LHFPL3: variants seen among roughly 807,000 people sequenced by gnomAD.
LHFPL3 encodes LHFPL tetraspan subfamily member 3 protein.
In LHFPL3, 5 loss-of-function variants were observed where a neutral mutation model predicts 19.3. That is an observed-to-expected ratio of 0.26 (90% confidence interval 0.14 to 0.54). LHFPL3 has a LOEUF of 0.54. Among genes scored for constraint, LHFPL3 ranks in the 20% least tolerant of loss-of-function variants. The pLI is 0.94. For synonymous variants in LHFPL3, 133 were observed against 126.2 expected (o/e 1.05, Z -0.36); for missense variants, 249 against 307.4 (o/e 0.81, Z 1.42).
chr7:104,872,387 G>A (rs1053403757), intron 2 of LHFPL3, among the ~76,000 whole-genome samples: 2 of 151,836 alleles, frequency 1.3e-5, no homozygotes, highest in African/African-American at 4.8e-5. Context: ...GCTCACGCCT[G>A]TAATCCCCAC....
chr7:104,769,932 A>G (rs989731755), intron 2 of LHFPL3, among the ~76,000 whole-genome samples: 1 of 152,202 alleles, frequency 6.6e-6, no homozygotes, highest in African/African-American at 2.4e-5. Context: ...GGTTCAATCT[A>G]ACAGGAAAAA....
At chr7:104,551,677 G>A (rs549875256) in intron 1 of LHFPL3, among the ~76,000 whole-genome samples, 54 of 152,176 alleles carry the variant, frequency 3.5e-4, no homozygotes, top group African/African-American at 1.1e-3. Flanking sequence ...CCTGGCCCTT[G>A]GCAACAACCA....
At chr7:104,632,737 C>T (rs893019626) in intron 1 of LHFPL3, among the ~76,000 whole-genome samples, 7 of 152,210 alleles carry the variant, frequency 4.6e-5, no homozygotes, top group African/African-American at 1.4e-4. Flanking sequence ...GCTTCAACTT[C>T]CCAAGCTCAG....
intron 1 of LHFPL3, among the ~76,000 whole-genome samples, chr7:104,697,741 ATG>A (rs1562967957): frequency 1.3e-5 from 2 of 152,154 alleles, no homozygotes; most frequent in South Asian, 4.1e-4. Context: ...CCTAGTGCTG[ATG>A]TAATATTTAT....
intron 1 of LHFPL3, among the ~76,000 whole-genome samples, chr7:104,369,177 A>G (rs1790560045): frequency 6.6e-6 from 1 of 151,496 alleles, no homozygotes; most frequent in South Asian, 2.1e-4. Context: ...ATTACCATCA[A>G]CCCCCCCAAA....
At chr7:104,371,637 G>A (rs539447020) in intron 1 of LHFPL3, among the ~76,000 whole-genome samples, 1 of 104,812 alleles carries the variant, frequency 9.5e-6, no homozygotes, top group Non-Finnish European at 1.9e-5. Context: ...TGAGAAATTA[G>A]GCAAATTTTC....
chr7:104,407,405 C>T lies in LHFPL3; in HGVS notation c.445+78181C>T, dbSNP rs1294129258. On this transcript the variant is annotated intron_variant, in intron 1 of 2. Coordinates refer to ENST00000424859, the MANE Select transcript of LHFPL3 (RefSeq NM_199000.3). ...GGCGTGGTGGCTCATGCCTATAATCCCAGCACCTTGGGAGGCCAAGGTGGG... is the reference window on the plus strand; with the variant it reads ...GGCGTGGTGGCTCATGCCTATAATCTCAGCACCTTGGGAGGCCAAGGTGGG... Among the ~76,000 whole-genome samples the T allele has an allele frequency of 2.6e-5, 4 of 152,102 alleles. No homozygotes were observed. The East Asian group carries it at 7.7e-4, about 29-fold the overall frequency.
In LHFPL3 at chr7:104,729,347, A is replaced by G. The variant is rs907080115; in HGVS notation, c.446-7328A>G. On this transcript the variant is annotated intron_variant, in intron 1 of 2. Coordinates refer to ENST00000424859, the MANE Select transcript of LHFPL3 (RefSeq NM_199000.3). ...AGTATATCCATCACCTCATACATTT[A>G]TCATTTCTTTGTGGCAAGAACATTC... Among the ~76,000 whole-genome samples, 20 of 152,298 alleles carry G rather than the reference A, an allele frequency of 1.3e-4. 2 individuals are homozygous for G. Among genetic ancestry groups the G allele is most frequent in the Admixed American group, 1.2e-3 (19 of 15,294 alleles).
intron 1 of LHFPL3, among the ~76,000 whole-genome samples, chr7:104,651,988 C>T (rs542695343): frequency 6.6e-6 from 1 of 152,160 alleles, no homozygotes. Flanking sequence ...TCTACGTCCC[C>T]CATATGATCC....
rs189447026 is a variant in LHFPL3 at position 104,417,598 on chromosome 7, A to G, written c.445+88374A>G. 3.9e-5 allele frequency among the ~76,000 whole-genome samples: 6 copies of G among 152,308 alleles called. No individual in the cohort carries two copies. The East Asian group carries it at 1.2e-3, about 29-fold the overall frequency. ...AAGTACTTTTTAGGTATTAGTCTTT[A>G]GAGGCATTAATTTGCTGCCATTGTT... On this transcript the variant is annotated intron_variant, in intron 1 of 2. Coordinates refer to ENST00000424859, the MANE Select transcript of LHFPL3 (RefSeq NM_199000.3).
intron 2 of LHFPL3, among the ~76,000 whole-genome samples, chr7:104,870,843 G>C (rs537881100): frequency 6.6e-6 from 1 of 152,154 alleles, no homozygotes; most frequent in Non-Finnish European, 1.5e-5. Flanking sequence ...CAGAGTAAAG[G>C]ATGTATAGCA....
chr7:104,351,949 A>G (rs1195188334), intron 1 of LHFPL3, among the ~76,000 whole-genome samples: 1 of 152,122 alleles, frequency 6.6e-6, no homozygotes, highest in Non-Finnish European at 1.5e-5. Context: ...CTGTAACCCC[A>G]AAGCTTTGGG....
Position 104,661,625 on chromosome 7 carries a change from T to G in LHFPL3, c.446-75050T>G, listed in dbSNP as rs188356538. On this transcript the variant is annotated intron_variant, in intron 1 of 2. Transcript: ENST00000424859. ...GTTTCCTTCATAATACAGTAGTCCC[T>G]CCTTACCCCAGGGAAATACTTTGCA... Among the ~76,000 whole-genome samples, 430 of 152,298 alleles carry G rather than the reference T, an allele frequency of 2.8e-3. 2 individuals carry two copies. Among genetic ancestry groups the G allele is most frequent in the African/African-American group, 9.6e-3 (397 of 41,566 alleles).
intron 1 of LHFPL3, among the ~76,000 whole-genome samples, chr7:104,502,088 G>T (rs1793606732): frequency 6.6e-6 from 1 of 152,182 alleles, no homozygotes; most frequent in Non-Finnish European, 1.5e-5. Flanking sequence ...AAATAGACAT[G>T]AATCATCTAA....
At chr7:104,501,411 T>C (rs1793596153) in intron 1 of LHFPL3, among the ~76,000 whole-genome samples, 1 of 152,246 alleles carries the variant, frequency 6.6e-6, no homozygotes, top group Non-Finnish European at 1.5e-5. Flanking sequence ...TAATATGATT[T>C]AAACTAAAGG....
At chr7:104,463,324 A>G (rs1408653701) in intron 1 of LHFPL3, among the ~76,000 whole-genome samples, 4 of 152,122 alleles carry the variant, frequency 2.6e-5, no homozygotes, top group African/African-American at 9.7e-5. Context: ...AAGATGTGAT[A>G]TTGGATTATT....
At chr7:104,396,736 T>G (rs1240906264) in intron 1 of LHFPL3, among the ~76,000 whole-genome samples, 2 of 151,628 alleles carry the variant, frequency 1.3e-5, no homozygotes, top group African/African-American at 4.9e-5. Flanking sequence ...GTGGGCAGAT[T>G]GCTCGAGCTC....
Position 104,833,031 on chromosome 7 carries a change from T to TATATATATTATATATAATAGA in LHFPL3, c.683-73156_683-73155insATATATATTATATATAATAGA. 4.4e-4 allele frequency among the ~76,000 whole-genome samples: 2 copies of TATATATATTATATATAATAGA among 4,584 alleles called. 1 individual carries two copies. Among genetic ancestry groups the TATATATATTATATATAATAGA allele is most frequent in the African/African-American group, 6.5e-4 (2 of 3,068 alleles). 3.0% of individuals were successfully genotyped at this position (4,584 alleles called of 152,430 possible). On this transcript the variant is annotated intron_variant, in intron 2 of 2. Transcript: ENST00000424859. Reference sequence around the variant, plus strand: ...ATATATATTATATATAATAGATATATTATATATATATATTATATATATATT... The same window carrying TATATATATTATATATAATAGA: ...ATATATATTATATATAATAGATATATATATATATTATATATAATAGATATATATATATATTATATATATATT...
chr7:104,900,781 T>C (rs1260295373), intron 2 of LHFPL3, among the ~76,000 whole-genome samples: 1 of 152,242 alleles, frequency 6.6e-6, no homozygotes, highest in African/African-American at 2.4e-5. Flanking sequence ...GTGATTCAAA[T>C]GACAGCTTTG....
Sources: gnomAD v4.1 joint callset for allele counts (sites outside exome capture counted in the v4.1 genomes callset) on GRCh38, gnomAD v4.1.1 for gene constraint, MANE v1.5 for transcripts, NCBI Gene and HGNC (gene_info 2026-07-23, HGNC 2026-07-21) for gene names.